The following GRIP1 variants were observed in gnomAD, a reference collection of about 807,000 sequenced individuals.
GRIP1 encodes the protein glutamate receptor-interacting protein 1.
GRIP1 carries 45 observed loss-of-function variants against 129.9 expected under a neutral mutation model. The observed-to-expected ratio is 0.35, with a 90% confidence interval of 0.27 to 0.44. The LOEUF (loss-of-function observed/expected upper bound fraction) is 0.44. Ranked by LOEUF, GRIP1 falls within the 20% of genes least tolerant of loss-of-function variation. GRIP1 has a pLI of 1.00. For missense variants in GRIP1, 1,196 were observed against 1,396.8 expected (o/e 0.86, Z 2.29); for synonymous variants, 530 against 520.8 (o/e 1.02, Z -0.24).
At chr12:66,587,788 G>A (rs561102158) in intron 2 of GRIP1, among the ~76,000 whole-genome samples, 1 of 152,148 alleles carries the variant, frequency 6.6e-6, no homozygotes, top group Non-Finnish European at 1.5e-5. Flanking sequence ...ATGTGTCAGT[G>A]GTTTACATTC....
At chr12:66,713,827 C>A (rs2035786353) in intron 1 of GRIP1, among the ~76,000 whole-genome samples, 1 of 152,034 alleles carries the variant, frequency 6.6e-6, no homozygotes, top group Non-Finnish European at 1.5e-5. Flanking sequence ...GTCCTTTTCA[C>A]CTCAGTATCT....
chr12:66,568,863 G>T, intron 2 of GRIP1: 2 of 458,492 alleles, frequency 4.4e-6, no homozygotes, highest in South Asian at 3.4e-5. Context: ...TCAGGAAGAT[G>T]AACTCTGCTC....
intron 1 of GRIP1, among the ~76,000 whole-genome samples, chr12:66,783,590 T>C (rs2038225462): frequency 6.6e-6 from 1 of 152,174 alleles, no homozygotes; most frequent in Non-Finnish European, 1.5e-5. Context: ...CTTTATTTCC[T>C]TGGCAATGTT....
chr12:66,913,995 C>T (rs532735961), intron 1 of GRIP1, among the ~76,000 whole-genome samples: 1 of 152,268 alleles, frequency 6.6e-6, no homozygotes, highest in African/African-American at 2.4e-5. Flanking sequence ...ATAGTATACT[C>T]TTGTTAAAGT....
intron 5 of GRIP1, among the ~76,000 whole-genome samples, chr12:66,524,808 G>A (rs2061162659): frequency 6.6e-6 from 1 of 152,044 alleles, no homozygotes; most frequent in South Asian, 2.1e-4. Flanking sequence ...AGAATAGAGA[G>A]AAGAATCAAA....
At chr12:66,880,764 C>T (rs969347121) in intron 1 of GRIP1, among the ~76,000 whole-genome samples, 4 of 152,024 alleles carry the variant, frequency 2.6e-5, no homozygotes, top group African/African-American at 9.7e-5. Context: ...TCAAATGAAT[C>T]CCCAAAGACT....
intron 1 of GRIP1, among the ~76,000 whole-genome samples, chr12:66,744,393 T>C (rs994488108): frequency 2.0e-5 from 3 of 152,140 alleles, no homozygotes; most frequent in African/African-American, 2.4e-5. Flanking sequence ...GCCCGGGAGA[T>C]AATAAACATA....
At chr12:66,976,371 T>G (rs2042151581) in intron 1 of GRIP1, among the ~76,000 whole-genome samples, 1 of 152,254 alleles carries the variant, frequency 6.6e-6, no homozygotes, top group South Asian at 2.1e-4. Flanking sequence ...CTTTGTCATT[T>G]TTCTGTTAGA....
chr12:66,663,314 T>G (rs764826429), intron 1 of GRIP1, among the ~76,000 whole-genome samples: 2 of 152,132 alleles, frequency 1.3e-5, no homozygotes, highest in African/African-American at 2.4e-5. Flanking sequence ...TTCATCTATA[T>G]GGGGGGAAGG....
At chr12:66,575,439 C>T (rs2063109059) in intron 2 of GRIP1, among the ~76,000 whole-genome samples, 1 of 152,184 alleles carries the variant, frequency 6.6e-6, no homozygotes, top group East Asian at 1.9e-4. Context: ...GTTTATTTTT[C>T]GGTATCCTAG....
intron 1 of GRIP1, among the ~76,000 whole-genome samples, chr12:66,747,485 G>A (rs181392978): frequency 5.5e-4 from 84 of 152,180 alleles, no homozygotes; most frequent in Admixed American, 9.8e-4. Flanking sequence ...ATTTCTTTCC[G>A]TGCCTTCTGA....
chr12:66,487,486 A>G (rs770168757), intron 7 of GRIP1, among the ~76,000 whole-genome samples: 29 of 152,316 alleles, frequency 1.9e-4, no homozygotes, highest in Non-Finnish European at 4.0e-4. Flanking sequence ...ATATGGAAGC[A>G]CTAAATATGG....
Position 66,428,113 on chromosome 12 carries a change from G to A in GRIP1, c.1768+4435C>T, listed in dbSNP as rs570445521. Among the ~76,000 whole-genome samples, 4 of 152,224 alleles carry A rather than the reference G, an allele frequency of 2.6e-5. No individual in the cohort carries two copies. In the South Asian group the frequency reaches 8.3e-4, roughly 32 times the overall value. ...CTAGTGTCACTGTTTGGCATTTTCT[G>A]TATGCTGGGCAAGTGGACCCAAGTT... On this transcript the variant is annotated intron_variant, in intron 14 of 24. Transcript: ENST00000359742.
chr12:66,636,745 G>C (rs2031427328), intron 1 of GRIP1, among the ~76,000 whole-genome samples: 1 of 137,700 alleles, frequency 7.3e-6, no homozygotes, highest in Non-Finnish European at 1.6e-5. Flanking sequence ...GTGTGTGTGT[G>C]TGTGTGTGTC....
intron 1 of GRIP1, among the ~76,000 whole-genome samples, chr12:66,919,068 C>G (rs1040809906): frequency 9.9e-5 from 15 of 152,166 alleles, no homozygotes; most frequent in Admixed American, 6.5e-4. Context: ...CCATGACTTT[C>G]TGCAGTTTCA....
chr12:66,980,851 G>A (rs1343981682), intron 1 of GRIP1, among the ~76,000 whole-genome samples: 1 of 152,074 alleles, frequency 6.6e-6, no homozygotes, highest in African/African-American at 2.4e-5. Context: ...GTTTATTCAT[G>A]TTACTGTGTC....
intron 1 of GRIP1, among the ~76,000 whole-genome samples, chr12:66,760,742 T>TA (rs980436322): frequency 6.6e-6 from 1 of 152,028 alleles, no homozygotes; most frequent in African/African-American, 2.4e-5. Context: ...TAACTGGAGA[T>TA]AAAAATGACT....
At chr12:67,018,814 T>C (rs904002797) in intron 1 of GRIP1, among the ~76,000 whole-genome samples, 2 of 152,112 alleles carry the variant, frequency 1.3e-5, no homozygotes, top group Non-Finnish European at 2.9e-5. Flanking sequence ...CATAATGGGA[T>C]ATGTGACTAA....
chr12:66,979,021 C>A (rs928311388), intron 1 of GRIP1, among the ~76,000 whole-genome samples: 10 of 151,922 alleles, frequency 6.6e-5, no homozygotes, highest in African/African-American at 2.4e-4. Flanking sequence ...TGTGCTAGGT[C>A]AGTAGCTCCA....
Sources: gnomAD v4.1 joint callset for allele counts (sites outside exome capture counted in the v4.1 genomes callset) on GRCh38, gnomAD v4.1.1 for gene constraint, MANE v1.5 for transcripts, NCBI Gene and HGNC (gene_info 2026-07-23, HGNC 2026-07-21) for gene names.